Variants in OLAH observed in about 807,000 individuals in gnomAD.
OLAH encodes S-acyl fatty acid synthase thioesterase, medium chain.
In OLAH, 33 loss-of-function variants were observed where a neutral mutation model predicts 27.8. The ratio of observed to expected loss-of-function variants is 1.19; its 90% CI spans 0.90 to 1.59. The LOEUF (loss-of-function observed/expected upper bound fraction) is 1.59, where lower values mean the gene tolerates loss of function less well. OLAH is among the 40% of genes most tolerant of loss of function. The pLI is 0.00. For missense variants in OLAH, 359 were observed against 310.8 expected (o/e 1.16, Z -1.17); for synonymous variants, 120 against 102.9 (o/e 1.17, Z -1.01).
intron 3 of OLAH, among the ~76,000 whole-genome samples, chr10:15,050,325 T>C (rs553440583): frequency 6.6e-6 from 1 of 152,262 alleles, no homozygotes; most frequent in Non-Finnish European, 1.5e-5. Context: ...TGGAGTGCAG[T>C]GGTGCAATCT....
At chr10:15,052,807 A>G (rs1844172306) in intron 3 of OLAH, among the ~76,000 whole-genome samples, 1 of 138,800 alleles carries the variant, frequency 7.2e-6, no homozygotes, top group South Asian at 2.2e-4. Flanking sequence ...CAGTGGCGTG[A>G]TCTCGGCTCA....
chr10:15,038,067 G>C (rs1171065270), intron 1 of OLAH, among the ~76,000 whole-genome samples: 1 of 152,244 alleles, frequency 6.6e-6, no homozygotes. Context: ...GCAAGACATG[G>C]AATCAAAGGA....
intron 3 of OLAH, chr10:15,056,935 C>T (rs770856312): frequency 2.2e-5 from 33 of 1,501,798 alleles, no homozygotes; most frequent in East Asian, 1.1e-4. Flanking sequence ...CGTGAGCCAC[C>T]GTGCCTGGCC....
intron 6 of OLAH, among the ~76,000 whole-genome samples, chr10:15,068,669 T>G (rs1268674017): frequency 6.6e-6 from 1 of 152,194 alleles, no homozygotes; most frequent in Non-Finnish European, 1.5e-5. Context: ...GTGCTGGCAT[T>G]ACAGGCATGA....
At chr10:15,040,635 C>A (rs556028358), upstream of OLAH, among the ~76,000 whole-genome samples, 10 of 152,212 alleles carry the variant, frequency 6.6e-5, no homozygotes, top group Non-Finnish European at 1.0e-4. Context: ...TTTCATCATG[C>A]CTTTTTAGCA....
chr10:15,042,406 G>A (rs961944606), upstream of OLAH, among the ~76,000 whole-genome samples: 2 of 152,136 alleles, frequency 1.3e-5, no homozygotes, highest in Non-Finnish European at 1.5e-5. Flanking sequence ...ACCTGTCTTG[G>A]CCTCCTGAAG....
upstream of OLAH, among the ~76,000 whole-genome samples, chr10:15,040,472 T>C (rs1843903287): frequency 6.6e-6 from 1 of 152,136 alleles, no homozygotes; most frequent in Non-Finnish European, 1.5e-5. Context: ...AGTCATCCCA[T>C]AATTGTCCAA....
intron 3 of OLAH, among the ~76,000 whole-genome samples, chr10:15,051,965 C>A (rs187828061): frequency 6.6e-6 from 1 of 152,058 alleles, no homozygotes; most frequent in Non-Finnish European, 1.5e-5. Context: ...TGGCTGTGTC[C>A]CAGTAAAACT....
upstream of OLAH, among the ~76,000 whole-genome samples, chr10:15,042,237 C>T (rs1249701613): frequency 6.6e-6 from 1 of 152,036 alleles, no homozygotes; most frequent in Non-Finnish European, 1.5e-5. Flanking sequence ...CTGCAACCTT[C>T]ACCTCCCCGG....
intron 1 of OLAH, among the ~76,000 whole-genome samples, chr10:15,035,086 A>T (rs1843822130): frequency 2.6e-5 from 4 of 151,826 alleles, no homozygotes; most frequent in Admixed American, 2.6e-4. Flanking sequence ...AGGCGCTGAG[A>T]GTTAAAAGGC....
upstream of OLAH, chr10:15,032,207 C>G (rs904505632): frequency 6.6e-6 from 1 of 152,100 alleles, no homozygotes; most frequent in South Asian, 2.1e-4. Flanking sequence ...ACTAGCCTAG[C>G]CTCCCAGACT....
chr10:15,032,978 T>C (rs1163136288), intron 1 of OLAH, among the ~76,000 whole-genome samples: 2 of 152,094 alleles, frequency 1.3e-5, no homozygotes, highest in Non-Finnish European at 2.9e-5. Flanking sequence ...GTTCAAATGA[T>C]TCTCATGCCT....
chr10:15,052,724 C>T (rs1297757533), intron 3 of OLAH, among the ~76,000 whole-genome samples: 133 of 142,316 alleles, frequency 9.3e-4, no homozygotes, highest in African/African-American at 3.1e-3. Flanking sequence ...GTTTGGAGGG[C>T]TTTTCTTTTT....
intron 1 of OLAH, among the ~76,000 whole-genome samples, chr10:15,045,137 C>T (rs1316088614): frequency 1.3e-5 from 2 of 152,110 alleles, no homozygotes; most frequent in Non-Finnish European, 2.9e-5. Flanking sequence ...GTGTTGAAAA[C>T]AAAACCCAGG....
intron 6 of OLAH, chr10:15,071,573 C>A: frequency 1.0e-6 from 1 of 985,440 alleles, no homozygotes; most frequent in Non-Finnish European, 1.2e-6. Context: ...CCTGCTGCCA[C>A]GTGTCACATC....
intron 2 of OLAH, among the ~76,000 whole-genome samples, chr10:15,048,407 AGGGCTTCGCCAT>A (rs1772077404): frequency 6.6e-6 from 1 of 152,262 alleles, no homozygotes; most frequent in Admixed American, 6.5e-5. Context: ...TAGTAGAGAC[AGGGCTTCGCCAT>A]GTTGGCCAGG....
intron 1 of OLAH, among the ~76,000 whole-genome samples, chr10:15,035,191 A>C (rs115472135): frequency 6.6e-6 from 1 of 152,134 alleles, no homozygotes; most frequent in Admixed American, 6.6e-5. Context: ...TAGAGAAGCA[A>C]AGTTAGAGAA....
chr10:15,064,111 G>A (rs1308646136), intron 4 of OLAH, among the ~76,000 whole-genome samples: 2 of 152,168 alleles, frequency 1.3e-5, no homozygotes, highest in Non-Finnish European at 2.9e-5. Flanking sequence ...GATATATACT[G>A]TTAAAGACAC....
chr10:15,058,920 T>TTCCTTCCCTCCTTCCC (rs10655933), intron 3 of OLAH, among the ~76,000 whole-genome samples: 2 of 136,122 alleles, frequency 1.5e-5, no homozygotes, highest in East Asian at 2.4e-4. Context: ...ATTTCTCCCC[T>TTCCTTCCCTCCTTCCC]TCCTTCCCTC....
Sources: allele counts gnomAD v4.1 joint callset (sites outside exome capture counted in the v4.1 genomes callset), GRCh38; gene constraint gnomAD v4.1.1; transcripts MANE v1.5; gene names NCBI Gene and HGNC (gene_info 2026-07-23, HGNC 2026-07-21).